The following PTPN4 variants were observed in gnomAD, a reference collection of about 807,000 sequenced individuals.
The protein encoded by PTPN4 is protein tyrosine phosphatase non-receptor type 4, also known as tyrosine-protein phosphatase non-receptor type 4.
In PTPN4, 49 loss-of-function variants were observed where a neutral mutation model predicts 135.5. The ratio of observed to expected loss-of-function variants is 0.36; its 90% CI spans 0.29 to 0.46. The LOEUF (loss-of-function observed/expected upper bound fraction) is 0.46. Ranked by LOEUF, PTPN4 falls within the 20% of genes least tolerant of loss-of-function variation. The probability of loss-of-function intolerance (pLI) is 1.00; values close to 1 mark genes in which losing one functional copy is unlikely to be tolerated. For missense variants in PTPN4, 860 were observed against 1,101.0 expected (o/e 0.78, Z 3.10); for synonymous variants, 333 against 369.9 (o/e 0.90, Z 1.14).
intron 10 of PTPN4, among the ~76,000 whole-genome samples, chr2:119,914,502 A>T (rs1424652111): frequency 3.3e-5 from 5 of 152,082 alleles, no homozygotes; most frequent in Admixed American, 1.3e-4. Flanking sequence ...AGCTTCTTGG[A>T]TAGATAGGGC....
At chr2:119,936,655 C>G (rs1558768977) in intron 15 of PTPN4, among the ~76,000 whole-genome samples, 1 of 152,134 alleles carries the variant, frequency 6.6e-6, no homozygotes, top group Non-Finnish European at 1.5e-5. Context: ...ATAAACTACC[C>G]AGTCTCAGGT....
intron 22 of PTPN4, 30 bp downstream of exon 22, chr2:119,957,107 T>C (rs1218109922): frequency 1.9e-6 from 3 of 1,568,950 alleles, no homozygotes; most frequent in Non-Finnish European, 2.6e-6. Context: ...GCCTTTGCCA[T>C]TTGGAAAAAT....
At chr2:119,945,805 A>G (rs1046623596) in intron 16 of PTPN4, among the ~76,000 whole-genome samples, 2 of 152,098 alleles carry the variant, frequency 1.3e-5, no homozygotes, top group Admixed American at 1.3e-4. Flanking sequence ...AATGGATACA[A>G]GATTTCTTTT....
At chr2:119,969,552 C>CTTTTTTTTTTTTTTTTTTTTTTTTTTTT (rs35531556) in intron 26 of PTPN4, among the ~76,000 whole-genome samples, 1 of 113,862 alleles carries the variant, frequency 8.8e-6, no homozygotes, top group Non-Finnish European at 1.7e-5. Context: ...TAATCAATTT[C>CTTTTTTTTTTTTTTTTTTTTTTTTTTTT]TTTTTTTTTT....
intron 26 of PTPN4, among the ~76,000 whole-genome samples, chr2:119,975,096 G>A (rs959780979): frequency 6.6e-6 from 1 of 151,974 alleles, no homozygotes; most frequent in African/African-American, 2.4e-5. Context: ...TTACTGAGGT[G>A]TTTGTTTGTT....
chr2:119,943,733 C>A (rs943712273), intron 15 of PTPN4, among the ~76,000 whole-genome samples: 1 of 151,640 alleles, frequency 6.6e-6, no homozygotes, highest in Non-Finnish European at 1.5e-5. Flanking sequence ...ACTACAGGCG[C>A]CTGCCACCAT....
intron 14 of PTPN4, 91 bp from the exon 15 acceptor site, chr2:119,934,709 T>TAC (rs1678955879): frequency 7.7e-7 from 1 of 1,295,108 alleles, no homozygotes; most frequent in African/African-American, 1.5e-5. Context: ...TAAAAACACA[T>TAC]ACCCCCTTTC....
intron 24 of PTPN4, among the ~76,000 whole-genome samples, chr2:119,963,636 T>C (rs1423507183): frequency 6.6e-6 from 1 of 152,198 alleles, no homozygotes; most frequent in Non-Finnish European, 1.5e-5. Flanking sequence ...TGCTGATTTA[T>C]AGAAAAGGAA....
chr2:119,890,963 C>T (rs72838965), intron 9 of PTPN4, among the ~76,000 whole-genome samples: 3,160 of 152,198 alleles, frequency 0.021, 59 homozygotes, highest in Non-Finnish European at 0.033. Flanking sequence ...CACTGTTAGA[C>T]TGGTGGGATT....
At position 119,962,758 on chromosome 2, in the gene PTPN4, A is replaced by T. The variant is rs769737798; in HGVS notation, c.2409+14A>T. On this transcript the variant is annotated intron_variant, in intron 24 of 26. Coordinates refer to ENST00000263708, the MANE Select transcript of PTPN4 (RefSeq NM_002830.4). ...TTTAACCAAGAGGTAAGAAGGCAGG[A>T]TATCTGTTCATTAGAACTGTTGTGT... The T allele has an allele frequency of 5.8e-6, 9 of 1,545,858 alleles. No homozygotes were observed. Among genetic ancestry groups the T allele is most frequent in the Non-Finnish European group, 6.2e-6 (7 of 1,135,164 alleles).
intron 26 of PTPN4, among the ~76,000 whole-genome samples, chr2:119,976,369 T>C (rs1447839879): frequency 6.6e-6 from 1 of 152,320 alleles, no homozygotes; most frequent in African/African-American, 2.4e-5. Context: ...ATAGATACTG[T>C]ATTTTCTTCC....
At chr2:119,822,226 C>A (rs1465541858) in intron 2 of PTPN4, among the ~76,000 whole-genome samples, 1 of 152,100 alleles carries the variant, frequency 6.6e-6, no homozygotes, top group Non-Finnish European at 1.5e-5. Context: ...CACACTTATC[C>A]TCCAATGTTT....
chr2:119,761,124 C>T (rs1690484851), intron 1 of PTPN4, among the ~76,000 whole-genome samples: 1 of 152,170 alleles, frequency 6.6e-6, no homozygotes, highest in African/African-American at 2.4e-5. Flanking sequence ...AGCTGCTTTT[C>T]GAATAAGAGG....
Position 119,854,480 on chromosome 2 carries a change from TAG to T in PTPN4, c.139-8051_139-8050del, listed in dbSNP as rs1677642854. Among the ~76,000 whole-genome samples, 4 of 152,278 alleles carry T rather than the reference TAG, an allele frequency of 2.6e-5. No homozygotes were observed. In the South Asian group the frequency reaches 8.3e-4, roughly 32 times the overall value. On this transcript the variant is annotated intron_variant, in intron 2 of 26. Transcript: ENST00000263708. ...GAGGAGATGTCACCTTAACTGCTGT[TAG>T]AGAGTTTTGGGTGACGACTCTTTCT... is the stretch of plus-strand genomic sequence containing the variant.
chr2:119,844,546 G>A (rs1186855257), intron 2 of PTPN4, among the ~76,000 whole-genome samples: 2 of 148,612 alleles, frequency 1.3e-5, no homozygotes, highest in Non-Finnish European at 3.0e-5. Flanking sequence ...CGGGGCGGCC[G>A]GGCAGAGACG....
chr2:119,955,132 G>C (rs1319487580), intron 19 of PTPN4, 25 bp from the exon 20 acceptor site: 11 of 1,563,502 alleles, frequency 7.0e-6, no homozygotes, highest in Non-Finnish European at 9.5e-6. Flanking sequence ...CACGTTTTGG[G>C]GTTTGTTTGA....
intron 9 of PTPN4, among the ~76,000 whole-genome samples, chr2:119,887,125 T>C (rs1678171262): frequency 6.6e-6 from 1 of 152,206 alleles, no homozygotes; most frequent in African/African-American, 2.4e-5. Flanking sequence ...TTTGTGTAAC[T>C]AGTTTGTTTT....
chr2:119,966,954 T>C (rs1469470330), intron 25 of PTPN4, among the ~76,000 whole-genome samples: 1 of 152,256 alleles, frequency 6.6e-6, no homozygotes, highest in East Asian at 1.9e-4. Context: ...GAGGTATCTC[T>C]TTATACTTAG....
chr2:119,847,110 A>T (rs947257088), intron 2 of PTPN4, among the ~76,000 whole-genome samples: 1 of 149,862 alleles, frequency 6.7e-6, no homozygotes, highest in African/African-American at 2.4e-5. Flanking sequence ...ACCATCTGGT[A>T]TCATTTCCAT....
Sources: allele counts gnomAD v4.1 joint callset (sites outside exome capture counted in the v4.1 genomes callset), GRCh38; gene constraint gnomAD v4.1.1; transcripts MANE v1.5; gene names NCBI Gene and HGNC (gene_info 2026-07-23, HGNC 2026-07-21).